Variants in DTNA observed in about 807,000 individuals in gnomAD.
DTNA encodes the protein dystrophin-related protein 3.
A neutral mutation model predicts 100.7 loss-of-function variants in DTNA; 43 were observed. That is an observed-to-expected ratio of 0.43 (90% CI 0.33 to 0.55). The LOEUF is 0.55. Among genes scored for constraint, DTNA ranks in the 20% least tolerant of loss-of-function variants. DTNA has a pLI of 0.04. For missense variants in DTNA, 798 were observed against 953.9 expected (o/e 0.84, Z 2.15); for synonymous variants, 349 against 347.9 (o/e 1.00, Z -0.04).
At chr18:34,543,162 G>T (rs1462199655) in intron 1 of DTNA, among the ~76,000 whole-genome samples, 6 of 151,910 alleles carry the variant, frequency 3.9e-5, no homozygotes, top group Non-Finnish European at 1.5e-5. Flanking sequence ...ACATCTAGAT[G>T]TTTCTCTATG....
At chr18:34,847,570 A>T (rs994604818) in intron 13 of DTNA, among the ~76,000 whole-genome samples, 1 of 152,176 alleles carries the variant, frequency 6.6e-6, no homozygotes, top group South Asian at 2.1e-4. Flanking sequence ...TAAGGCTGTG[A>T]TCTCATCTGA....
At chr18:34,854,391 G>A (rs556209923) in intron 15 of DTNA, among the ~76,000 whole-genome samples, 11 of 152,252 alleles carry the variant, frequency 7.2e-5, no homozygotes, top group African/African-American at 2.6e-4. Flanking sequence ...AGTCCACAAA[G>A]TCAACCAATA....
intron 11 of DTNA, among the ~76,000 whole-genome samples, chr18:34,830,139 G>T (rs1232398093): frequency 6.6e-6 from 1 of 152,116 alleles, no homozygotes; most frequent in East Asian, 1.9e-4. Context: ...AAAGTTAAAG[G>T]TTCTATACTT....
chr18:34,872,447 T>A (rs1476200888), intron 17 of DTNA, among the ~76,000 whole-genome samples: 1 of 152,180 alleles, frequency 6.6e-6, no homozygotes, highest in Non-Finnish European at 1.5e-5. Flanking sequence ...ATATCTCAAA[T>A]CACTAGATCC....
chr18:34,830,545 C>T (rs1043857200), intron 11 of DTNA, among the ~76,000 whole-genome samples: 1 of 152,168 alleles, frequency 6.6e-6, no homozygotes, highest in African/African-American at 2.4e-5. Context: ...TTACCAGCAT[C>T]ATCTGTCGCA....
intron 1 of DTNA, among the ~76,000 whole-genome samples, chr18:34,665,393 T>A (rs2075771891): frequency 6.6e-6 from 1 of 152,076 alleles, no homozygotes; most frequent in African/African-American, 2.4e-5. Flanking sequence ...ATGATTGGGG[T>A]TTAATGCATA....
intron 1 of DTNA, among the ~76,000 whole-genome samples, chr18:34,754,413 C>T (rs949032561): frequency 2.0e-5 from 3 of 152,128 alleles, no homozygotes; most frequent in African/African-American, 4.8e-5. Context: ...TTTTATGCTT[C>T]GGTATCTCTG....
At chr18:34,604,052 G>A (rs2052502475) in intron 1 of DTNA, among the ~76,000 whole-genome samples, 1 of 152,140 alleles carries the variant, frequency 6.6e-6, no homozygotes, top group South Asian at 2.1e-4. Flanking sequence ...ATAGTTGTGA[G>A]GTGTTATGAC....
intron 1 of DTNA, among the ~76,000 whole-genome samples, chr18:34,726,806 A>G (rs996114935): frequency 3.3e-5 from 5 of 152,186 alleles, no homozygotes; most frequent in African/African-American, 9.6e-5. Context: ...CATTTTCCCA[A>G]CTGAAGGACA....
chr18:34,658,387 C>G (rs1222434597), intron 1 of DTNA, among the ~76,000 whole-genome samples: 1 of 152,190 alleles, frequency 6.6e-6, no homozygotes, highest in Non-Finnish European at 1.5e-5. Context: ...AGGTCTGGCT[C>G]TATCACCCAG....
At chr18:34,661,397 C>A (rs2075164610) in intron 1 of DTNA, among the ~76,000 whole-genome samples, 1 of 152,130 alleles carries the variant, frequency 6.6e-6, no homozygotes, top group Non-Finnish European at 1.5e-5. Flanking sequence ...TGTTAGAGTA[C>A]AAGTTTTTAG....
At chr18:34,862,736 G>C (rs1016102312) in intron 16 of DTNA, among the ~76,000 whole-genome samples, 3 of 152,066 alleles carry the variant, frequency 2.0e-5, no homozygotes, top group Non-Finnish European at 4.4e-5. Context: ...GGAGACTGAG[G>C]TTACAATCAG....
At chr18:34,749,305 T>G (rs1472645510) in intron 1 of DTNA, among the ~76,000 whole-genome samples, 1 of 152,124 alleles carries the variant, frequency 6.6e-6, no homozygotes, top group Non-Finnish European at 1.5e-5. Context: ...TGTATGCTCT[T>G]TATTTGTTTC....
At chr18:34,689,831 G>T (rs1038345759) in intron 1 of DTNA, among the ~76,000 whole-genome samples, 3 of 152,234 alleles carry the variant, frequency 2.0e-5, no homozygotes, top group Non-Finnish European at 4.4e-5. Flanking sequence ...CTTTCTTTCA[G>T]AGATGCCCTG....
intron 1 of DTNA, among the ~76,000 whole-genome samples, chr18:34,738,486 C>G (rs2090049012): frequency 7.0e-6 from 1 of 141,916 alleles, no homozygotes; most frequent in Admixed American, 6.8e-5. Flanking sequence ...TGGCTTTTTG[C>G]CATTTAAAAC....
At chr18:34,648,342 G>T (rs1054707969) in intron 1 of DTNA, among the ~76,000 whole-genome samples, 1 of 152,176 alleles carries the variant, frequency 6.6e-6, no homozygotes, top group Non-Finnish European at 1.5e-5. Flanking sequence ...AAAAGATCAT[G>T]CTGGCTTTCT....
intron 1 of DTNA, among the ~76,000 whole-genome samples, chr18:34,711,057 C>T (rs961887504): frequency 1.4e-4 from 22 of 152,164 alleles, no homozygotes; most frequent in African/African-American, 5.1e-4. Context: ...GGCATTGTGG[C>T]TGTATGTGTG....
chr18:34,853,848 T>A (rs1181332557), intron 15 of DTNA, among the ~76,000 whole-genome samples: 2 of 152,192 alleles, frequency 1.3e-5, no homozygotes, highest in African/African-American at 4.8e-5. Context: ...CTATTTTATG[T>A]ATCATTTATT....
intron 1 of DTNA, among the ~76,000 whole-genome samples, chr18:34,642,801 T>C (rs1189175099): frequency 1.3e-5 from 2 of 151,996 alleles, no homozygotes; most frequent in Non-Finnish European, 2.9e-5. Flanking sequence ...TCATGATCTG[T>C]CCACCTCGAC....
Sources: gnomAD v4.1 joint callset for allele counts (sites outside exome capture counted in the v4.1 genomes callset) on GRCh38, gnomAD v4.1.1 for gene constraint, MANE v1.5 for transcripts, NCBI Gene and HGNC (gene_info 2026-07-23, HGNC 2026-07-21) for gene names.